The following SPECC1 variants were observed in gnomAD, a reference collection of about 807,000 sequenced individuals.
SPECC1 encodes the protein sperm antigen with calponin homology and coiled-coil domains 1.
A neutral mutation model predicts 104.1 loss-of-function variants in SPECC1; 62 were observed. The observed-to-expected ratio is 0.60, with a 90% CI of 0.49 to 0.74. The LOEUF (loss-of-function observed/expected upper bound fraction) is 0.74. Among genes scored for constraint, SPECC1 ranks in the 30% least tolerant of loss-of-function variants. SPECC1 has a pLI of 0.00. For synonymous variants in SPECC1, 513 were observed against 501.6 expected, an observed-to-expected ratio of 1.02 and a Z score of -0.30; for missense variants, 1,306 against 1,310.5, an observed-to-expected ratio of 1.00 and a Z score of 0.05.
intron 3 of SPECC1, among the ~76,000 whole-genome samples, chr17:20,116,888 C>T (rs1444976814): frequency 1.5e-5 from 2 of 130,858 alleles, no homozygotes; most frequent in Admixed American, 1.9e-4. Flanking sequence ...GCCAGAGATA[C>T]TAAACATCCT....
intron 8 of SPECC1, among the ~76,000 whole-genome samples, 178 bp from the exon 9 acceptor site, chr17:20,247,041 C>G (rs1391894595): frequency 1.3e-5 from 2 of 152,174 alleles, no homozygotes; most frequent in Admixed American, 6.5e-5. Context: ...GCTAAATCTT[C>G]CCTTCTTGTT....
chr17:20,219,675 A>G (rs183851689), intron 4 of SPECC1, among the ~76,000 whole-genome samples: 36 of 152,236 alleles, frequency 2.4e-4, no homozygotes, highest in African/African-American at 8.7e-4. Flanking sequence ...GAAGCTTTTT[A>G]ACTTGATGTG....
At chr17:20,080,996 C>T (rs1331485764) in intron 1 of SPECC1, among the ~76,000 whole-genome samples, 2 of 152,120 alleles carry the variant, frequency 1.3e-5, no homozygotes, top group Non-Finnish European at 2.9e-5. Flanking sequence ...CCCAGTATGC[C>T]TCCTCCTTGC....
At chr17:20,251,151 C>T (rs1226930710) in intron 9 of SPECC1, among the ~76,000 whole-genome samples, 1 of 143,898 alleles carries the variant, frequency 6.9e-6, no homozygotes, top group African/African-American at 2.7e-5. Context: ...TGGCTTAAAT[C>T]CAGGAGGCGG....
intron 1 of SPECC1, among the ~76,000 whole-genome samples, chr17:20,083,618 G>A (rs1008584441): frequency 6.7e-6 from 1 of 148,258 alleles, no homozygotes; most frequent in African/African-American, 2.4e-5. Context: ...ATGTGGGGAT[G>A]CATCAGTTTA....
intron 3 of SPECC1, among the ~76,000 whole-genome samples, chr17:20,149,280 T>C (rs2152565682): frequency 6.6e-6 from 1 of 152,330 alleles, no homozygotes; most frequent in African/African-American, 2.4e-5. Context: ...GTAGCAGGTC[T>C]GGGACTGCTG....
At position 20,170,498 on chromosome 17, in the gene SPECC1, C is replaced by G. The variant is rs141597467; in HGVS notation, c.284-33835C>G. On this transcript the variant is annotated intron_variant, in intron 3 of 14. Coordinates refer to ENST00000395527, the MANE Select transcript of SPECC1 (RefSeq NM_001243439.2). Reference sequence around the variant, plus strand: ...CACCCCACACCACTACAAAAGTGACCCAGAAATCCTGAGCCAGTGGAACTC... The same window carrying G: ...CACCCCACACCACTACAAAAGTGACGCAGAAATCCTGAGCCAGTGGAACTC... Among the ~76,000 whole-genome samples the G allele has an allele frequency of 1.6e-3, 244 of 152,242 alleles. 1 individual carries two copies. The highest frequency in any genetic ancestry group is 5.7e-3 in the African/African-American group (238 of 41,540).
intron 14 of SPECC1, among the ~76,000 whole-genome samples, chr17:20,309,904 G>T (rs375415819): frequency 1.4e-5 from 2 of 144,532 alleles, no homozygotes; most frequent in South Asian, 4.4e-4. Context: ...TGCAACCTCC[G>T]ACTTCCGGGT....
intron 3 of SPECC1, among the ~76,000 whole-genome samples, chr17:20,118,529 A>G (rs551244098): frequency 1.3e-5 from 2 of 152,344 alleles, no homozygotes; most frequent in South Asian, 4.1e-4. Flanking sequence ...AAAGATTTCC[A>G]ATATACATTA....
chr17:20,253,414 GCA>G, intron 9 of SPECC1, 89 bp from the exon 10 acceptor site: 1 of 1,256,544 alleles, frequency 8.0e-7, no homozygotes, highest in Non-Finnish European at 1.1e-6. Flanking sequence ...AAGAACTGTT[GCA>G]CACACACGCA....
At chr17:20,154,126 G>A (rs2032252222) in intron 3 of SPECC1, among the ~76,000 whole-genome samples, 1 of 152,238 alleles carries the variant, frequency 6.6e-6, no homozygotes, top group South Asian at 2.1e-4. Flanking sequence ...TCTGCTGCCT[G>A]CAGCCTATAC....
intron 1 of SPECC1, among the ~76,000 whole-genome samples, chr17:20,093,263 C>G (rs530151696): frequency 8.1e-4 from 124 of 152,308 alleles, no homozygotes; most frequent in African/African-American, 2.9e-3. Context: ...GCAGTGCCCT[C>G]ACTTGGTGGA....
intron 4 of SPECC1, among the ~76,000 whole-genome samples, chr17:20,215,195 A>G (rs2037411158): frequency 6.6e-6 from 1 of 152,146 alleles, no homozygotes; most frequent in East Asian, 1.9e-4. Context: ...ATATGTCTAG[A>G]CAGGATGTTC....
At chr17:20,096,596 A>T (rs1196436318) in intron 1 of SPECC1, 35 bp from the exon 2 acceptor site, 33 of 1,571,906 alleles carry the variant, frequency 2.1e-5, no homozygotes, top group Non-Finnish European at 2.9e-5. Flanking sequence ...GGTTCAAGTG[A>T]TGGAGACATG....
intron 1 of SPECC1, among the ~76,000 whole-genome samples, chr17:20,019,353 C>G (rs2044280770): frequency 6.6e-6 from 1 of 151,760 alleles, no homozygotes. Flanking sequence ...GACACTTTAC[C>G]TAGAAATGAC....
intron 1 of SPECC1, among the ~76,000 whole-genome samples, chr17:20,051,500 T>C (rs2045776405): frequency 6.6e-6 from 1 of 152,196 alleles, no homozygotes; most frequent in African/African-American, 2.4e-5. Context: ...CTTTAAAAAA[T>C]CAAATTTAAA....
At chr17:20,166,240 T>C (rs2033638638) in intron 3 of SPECC1, among the ~76,000 whole-genome samples, 2 of 152,228 alleles carry the variant, frequency 1.3e-5, no homozygotes, top group African/African-American at 4.8e-5. Context: ...GCAAAACCTA[T>C]TTGAAACACA....
intron 3 of SPECC1, 33 bp from the exon 4 acceptor site, chr17:20,204,300 A>ATT: frequency 6.3e-7 from 1 of 1,578,226 alleles, no homozygotes; most frequent in Non-Finnish European, 8.6e-7. Context: ...TGCTTGCTTT[A>ATT]TTTTTTCATT....
At chr17:20,078,491 A>G (rs963656011) in intron 1 of SPECC1, among the ~76,000 whole-genome samples, 5 of 152,142 alleles carry the variant, frequency 3.3e-5, no homozygotes, top group African/African-American at 1.2e-4. Flanking sequence ...GTCATTTCCC[A>G]TGCAACACAT....
Sources: gnomAD v4.1 joint callset for allele counts (sites outside exome capture counted in the v4.1 genomes callset) on GRCh38, gnomAD v4.1.1 for gene constraint, MANE v1.5 for transcripts, NCBI Gene and HGNC (gene_info 2026-07-23, HGNC 2026-07-21) for gene names.